Variants in EPB41L4A observed in about 807,000 individuals in gnomAD.
EPB41L4A encodes the protein erythrocyte membrane protein band 4.1 like 4A.
A neutral mutation model predicts 108.6 loss-of-function variants in EPB41L4A; 100 were observed. The ratio of observed to expected loss-of-function variants is 0.92; its 90% CI spans 0.78 to 1.09. EPB41L4A has a LOEUF of 1.09. EPB41L4A is among the 50% of genes least tolerant of loss of function. The pLI is 0.00. For missense variants in EPB41L4A, 1,030 were observed against 842.7 expected, an observed-to-expected ratio of 1.22 and a Z score of -2.75; for synonymous variants, 319 against 289.0, an observed-to-expected ratio of 1.10 and a Z score of -1.05.
intron 6 of EPB41L4A, chr5:112,263,587 T>A (rs537779999): frequency 6.6e-6 from 1 of 152,156 alleles, no homozygotes; most frequent in East Asian, 1.9e-4. Context: ...GCCAAACACA[T>A]TGCCCTTCCT....
At chr5:112,262,830 C>T (rs1008332646) in intron 6 of EPB41L4A, among the ~76,000 whole-genome samples, 42 of 152,092 alleles carry the variant, frequency 2.8e-4, no homozygotes, top group African/African-American at 9.9e-4. Context: ...AATGTCCCAG[C>T]ATATATTAAA....
intron 17 of EPB41L4A, among the ~76,000 whole-genome samples, chr5:112,184,741 G>A (rs1355145259): frequency 6.6e-6 from 1 of 152,158 alleles, no homozygotes; most frequent in Non-Finnish European, 1.5e-5. Context: ...GATGTGGGCA[G>A]GGAAGGAATG....
intron 12 of EPB41L4A, among the ~76,000 whole-genome samples, chr5:112,212,615 A>C (rs1210265915): frequency 6.6e-6 from 1 of 152,032 alleles, no homozygotes; most frequent in Non-Finnish European, 1.5e-5. Flanking sequence ...AGTATTTTTA[A>C]TTGTTCTTAA....
At chr5:112,265,241 A>G (rs1016239380) in intron 5 of EPB41L4A, among the ~76,000 whole-genome samples, 1 of 152,250 alleles carries the variant, frequency 6.6e-6, no homozygotes, top group African/African-American at 2.4e-5. Flanking sequence ...TGCATTCCCA[A>G]ATACTATAAT....
At position 112,336,320 on chromosome 5, in the gene EPB41L4A, C is replaced by A. The variant is rs532463019; in HGVS notation, c.100-28830G>T. ...GCAGGTCAAAAAGCTTCAAAGTGGGCTGTTCAGAGTTAGGTGGAGTAAGGC... is the reference window on the plus strand; with the variant it reads ...GCAGGTCAAAAAGCTTCAAAGTGGGATGTTCAGAGTTAGGTGGAGTAAGGC... On this transcript the variant is annotated intron_variant, in intron 1 of 22. Transcript: ENST00000261486. Among the ~76,000 whole-genome samples the A allele has an allele frequency of 1.4e-4, 22 of 152,246 alleles. 1 individual carries two copies. The South Asian group carries it at 4.6e-3, about 32-fold the overall frequency.
chr5:112,239,888 G>T, intron 10 of EPB41L4A, 151 bp from the exon 11 acceptor site: 1 of 457,288 alleles, frequency 2.2e-6, no homozygotes, highest in Non-Finnish European at 3.8e-6. Context: ...CCATGAGGAT[G>T]AAACAGGGAA....
chr5:112,394,345 A>C (rs113879064), intron 1 of EPB41L4A, among the ~76,000 whole-genome samples: 21,411 of 152,094 alleles, frequency 0.14, 4,224 homozygotes, highest in African/African-American at 0.44. Flanking sequence ...AAAACACCAT[A>C]ATCTCGGCCC....
chr5:112,165,114 C>T lies in EPB41L4A; in HGVS notation c.1937G>A (p.Arg646Lys). 1 of 1,469,176 alleles carries T rather than the reference C, an allele frequency of 6.8e-7. No individual in the cohort carries two copies. The highest frequency in any genetic ancestry group is 2.2e-5 in the Admixed American group (1 of 45,358). The allele number at this position is 1,469,176 out of a possible 1,614,324, so 91.0% of individuals were successfully genotyped here. ...CATCAGGCTATCTTTAGACCCATTT[C>T]TTCTCTAAAATATATTTGAAAAATG... is the stretch of plus-strand genomic sequence containing the variant. ...GSGDATVHQR[R>K]NGSKDSLMEE... The change falls in exon 23 of 23, where the codon AGA becomes AAA. Residue 646 changes from arginine to lysine, a missense_variant. Physicochemically the swap from Arg to Lys is conservative, Grantham distance 26. Coordinates refer to ENST00000261486, the MANE Select transcript of EPB41L4A (RefSeq NM_022140.5).
At chr5:112,305,630 C>A (rs145408191) in intron 2 of EPB41L4A, among the ~76,000 whole-genome samples, 1 of 152,202 alleles carries the variant, frequency 6.6e-6, no homozygotes, top group Admixed American at 6.5e-5. Context: ...AATTTCATTA[C>A]ATTATTCTCA....
chr5:112,342,130 TATA>T, intron 1 of EPB41L4A, among the ~76,000 whole-genome samples: 1 of 152,302 alleles, frequency 6.6e-6, no homozygotes, highest in East Asian at 1.9e-4. Context: ...TCTTCCCTTT[TATA>T]AAAAAGAAGT....
intron 1 of EPB41L4A, among the ~76,000 whole-genome samples, chr5:112,396,786 T>C (rs989400353): frequency 1.3e-5 from 2 of 152,108 alleles, no homozygotes; most frequent in African/African-American, 4.8e-5. Flanking sequence ...TATAATCTAG[T>C]CTCCAAAGCA....
intron 2 of EPB41L4A, among the ~76,000 whole-genome samples, chr5:112,302,039 A>G (rs986907910): frequency 6.6e-6 from 1 of 152,140 alleles, no homozygotes; most frequent in Non-Finnish European, 1.5e-5. Context: ...ATAAAGGTAG[A>G]TGAAGAGTAC....
rs569940670 is a variant in EPB41L4A at position 112,375,939 on chromosome 5, G to T, written c.99+43002C>A. On this transcript the variant is annotated intron_variant, in intron 1 of 22. Transcript: ENST00000261486. ...ACTGACAATGTCTGTGCCTCCAAGGGGTTAGGGTATGAAAAAGAGGCAAGA... is the reference window on the plus strand; with the variant it reads ...ACTGACAATGTCTGTGCCTCCAAGGTGTTAGGGTATGAAAAAGAGGCAAGA... Among the ~76,000 whole-genome samples the T allele has an allele frequency of 5.9e-5, 9 of 152,258 alleles. No individual in the cohort carries two copies. In the East Asian group the frequency reaches 1.7e-3, roughly 29 times the overall value.
intron 1 of EPB41L4A, among the ~76,000 whole-genome samples, chr5:112,357,097 G>A (rs867306404): frequency 1.3e-4 from 20 of 152,170 alleles, no homozygotes; most frequent in South Asian, 4.2e-4. Context: ...TACCCCACTC[G>A]GTCTTGTGAT....
At chr5:112,244,328 T>C (rs1459249139) in intron 9 of EPB41L4A, among the ~76,000 whole-genome samples, 1 of 152,168 alleles carries the variant, frequency 6.6e-6, no homozygotes, top group African/African-American at 2.4e-5. Flanking sequence ...AACAGTAACA[T>C]CAAAGATCAC....
rs551046533 is a variant in EPB41L4A at position 112,393,258 on chromosome 5, G to A, written c.99+25683C>T. On this transcript the variant is annotated intron_variant, in intron 1 of 22. Coordinates refer to ENST00000261486, the MANE Select transcript of EPB41L4A (RefSeq NM_022140.5). ...CTAAGATCAGAGCAGAACTGAAGGAGATAGAGACACAAAAAAACCATCAAA... is the reference window on the plus strand; with the variant it reads ...CTAAGATCAGAGCAGAACTGAAGGAAATAGAGACACAAAAAAACCATCAAA... Among the ~76,000 whole-genome samples, 42 of 152,140 alleles carry A rather than the reference G, an allele frequency of 2.8e-4. No homozygotes were observed. The South Asian group carries it at 4.1e-3, about 15-fold the overall frequency.
chr5:112,352,579 ATC>A (rs1432244339), intron 1 of EPB41L4A, among the ~76,000 whole-genome samples: 3 of 152,222 alleles, frequency 2.0e-5, no homozygotes, highest in Non-Finnish European at 4.4e-5. Context: ...GGAATATTCA[ATC>A]TGTTTATATT....
At chr5:112,204,106 A>C (rs1762350768) in intron 15 of EPB41L4A, among the ~76,000 whole-genome samples, 1 of 150,662 alleles carries the variant, frequency 6.6e-6, no homozygotes, top group Non-Finnish European at 1.5e-5. Flanking sequence ...TTTATTATAT[A>C]TTATATACTA....
At chr5:112,145,823 G>C in intron 13 of EPB41L4A, 1 of 427,522 alleles carries the variant, frequency 2.3e-6, no homozygotes, top group Non-Finnish European at 4.7e-6. Flanking sequence ...TCCTCCATTT[G>C]ATATCAATCT....
Sources: gnomAD v4.1 joint callset for allele counts (sites outside exome capture counted in the v4.1 genomes callset) on GRCh38, gnomAD v4.1.1 for gene constraint, MANE v1.5 for transcripts, NCBI Gene and HGNC (gene_info 2026-07-23, HGNC 2026-07-21) for gene names.